Variants in NXPH1 observed in about 807,000 individuals in gnomAD.
NXPH1 encodes neurexophilin-1.
NXPH1 carries 5 observed loss-of-function variants against 23.7 expected under a neutral mutation model. The ratio of observed to expected loss-of-function variants is 0.21; its 90% confidence interval spans 0.11 to 0.44. The LOEUF (loss-of-function observed/expected upper bound fraction) is 0.44, where lower values mean the gene tolerates loss of function less well. Ranked by LOEUF, NXPH1 falls within the 20% of genes least tolerant of loss-of-function variation. NXPH1 has a pLI of 0.99. For missense variants in NXPH1, 324 were observed against 321.6 expected (o/e 1.01, Z -0.06); for synonymous variants, 144 against 122.2 (o/e 1.18, Z -1.18).
intron 2 of NXPH1, among the ~76,000 whole-genome samples, chr7:8,573,228 T>C (rs1236325837): frequency 1.3e-5 from 2 of 152,104 alleles, no homozygotes; most frequent in African/African-American, 4.8e-5. Context: ...TCATACATTA[T>C]ATTGGTGAGT....
chr7:8,664,011 C>T (rs1820721722), intron 2 of NXPH1, among the ~76,000 whole-genome samples: 1 of 152,022 alleles, frequency 6.6e-6, no homozygotes, highest in Non-Finnish European at 1.5e-5. Flanking sequence ...TTCTCTTTGT[C>T]TCCCATCTTC....
intron 2 of NXPH1, among the ~76,000 whole-genome samples, chr7:8,617,553 C>A (rs925844937): frequency 6.6e-6 from 1 of 151,994 alleles, no homozygotes; most frequent in Non-Finnish European, 1.5e-5. Flanking sequence ...ATAAGCCAGG[C>A]ACAGAAAGAC....
At chr7:8,718,809 A>C (rs752562278) in intron 2 of NXPH1, among the ~76,000 whole-genome samples, 2 of 152,196 alleles carry the variant, frequency 1.3e-5, no homozygotes, top group African/African-American at 2.4e-5. Flanking sequence ...TGGCACATTC[A>C]GTCCTTTTAT....
At chr7:8,530,846 T>A (rs1391032651) in intron 2 of NXPH1, among the ~76,000 whole-genome samples, 1 of 152,208 alleles carries the variant, frequency 6.6e-6, no homozygotes, top group Non-Finnish European at 1.5e-5. Flanking sequence ...AAGCTTTGTC[T>A]ATAAATGAAG....
intron 2 of NXPH1, among the ~76,000 whole-genome samples, chr7:8,714,578 C>T (rs542118337): frequency 2.6e-5 from 4 of 152,106 alleles, no homozygotes; most frequent in African/African-American, 4.8e-5. Flanking sequence ...ATCTGTGTCT[C>T]GCCCAATGCC....
intron 2 of NXPH1, among the ~76,000 whole-genome samples, chr7:8,571,014 TGTCTATCTA>T (rs1409067526): frequency 3.0e-5 from 4 of 135,458 alleles, no homozygotes; most frequent in Admixed American, 2.4e-4. Context: ...TCTATCTGTC[TGTCTATCTA>T]ATCTAATCTA....
intron 2 of NXPH1, among the ~76,000 whole-genome samples, chr7:8,711,666 G>T (rs959895537): frequency 6.6e-6 from 1 of 152,154 alleles, no homozygotes; most frequent in African/African-American, 2.4e-5. Flanking sequence ...ATGAGTGTGT[G>T]CATGTAGGGG....
chr7:8,668,267 TTTA>T (rs777192476), intron 2 of NXPH1, among the ~76,000 whole-genome samples: 10,016 of 70,180 alleles, frequency 0.14, 868 homozygotes, highest in East Asian at 0.55. Flanking sequence ...TTTTTTTTTT[TTTA>T]TTTTGTTGTT....
At chr7:8,495,912 T>G (rs1006445578) in intron 2 of NXPH1, among the ~76,000 whole-genome samples, 2 of 152,056 alleles carry the variant, frequency 1.3e-5, no homozygotes, top group African/African-American at 4.8e-5. Flanking sequence ...GTATTGTGTT[T>G]CTGGTGAATC....
intron 2 of NXPH1, among the ~76,000 whole-genome samples, chr7:8,580,347 C>A (rs76512489): frequency 0.011 from 1,747 of 152,202 alleles, 18 homozygotes; most frequent in South Asian, 0.057. Context: ...AAAATAAAGG[C>A]AAGAAGAGAG....
intron 2 of NXPH1, among the ~76,000 whole-genome samples, chr7:8,579,858 T>C (rs763320867): frequency 7.9e-5 from 12 of 152,118 alleles, no homozygotes; most frequent in Admixed American, 2.0e-4. Flanking sequence ...ATTAAATCCA[T>C]TGGGGGGCAT....
chr7:8,549,008 A>C (rs947877177), intron 2 of NXPH1, among the ~76,000 whole-genome samples: 11 of 151,570 alleles, frequency 7.3e-5, no homozygotes, highest in African/African-American at 2.7e-4. Context: ...TTGAAGTAAA[A>C]GCTGTTGTAG....
chr7:8,688,958 T>TC (rs35336589), intron 2 of NXPH1, among the ~76,000 whole-genome samples: 2,351 of 152,278 alleles, frequency 0.015, 32 homozygotes, highest in Middle Eastern at 0.031. Context: ...ACCTTCGTTT[T>TC]CCATGGTCTT....
chr7:8,516,524 C>T (rs753562949), intron 2 of NXPH1, among the ~76,000 whole-genome samples: 3 of 152,090 alleles, frequency 2.0e-5, no homozygotes, highest in Non-Finnish European at 4.4e-5. Flanking sequence ...TCAGATATCA[C>T]CTGGTGCTCA....
intron 2 of NXPH1, among the ~76,000 whole-genome samples, chr7:8,632,825 C>G (rs1002313669): frequency 7.2e-5 from 11 of 152,146 alleles, no homozygotes; most frequent in African/African-American, 1.9e-4. Flanking sequence ...ATATATCTTT[C>G]TAGAATTTTA....
Position 8,442,212 on chromosome 7 carries a change from CCG to C in NXPH1, c.54+6447_54+6448del, listed in dbSNP as rs1298370906. Among the ~76,000 whole-genome samples, 4 of 152,200 alleles carry C rather than the reference CCG, an allele frequency of 2.6e-5. No homozygotes were observed. Among genetic ancestry groups the C allele is most frequent in the Admixed American group, 2.6e-4 (4 of 15,284 alleles). On this transcript the variant is annotated intron_variant, in intron 2 of 2. Transcript: ENST00000405863. This position sits in a 1 kb window ranked among gnomAD's most constrained non-coding sequence, Gnocchi z 4.6. ...TACGATGGGGAGGGGGAGACACAGG[CCG>C]CATCCAGAGCGCATCGCCTCATCTG...
chr7:8,435,500 T>C lies in NXPH1; in HGVS notation c.-110-104T>C. On this transcript the variant is annotated intron_variant, in intron 1 of 2. Transcript: ENST00000405863. This position sits in a 1 kb window ranked among gnomAD's most constrained non-coding sequence, Gnocchi z 5.9. ...ATTTTTCGTACCCTCCCTCCCTTTT[T>C]TTTTTGGTCCCCCACTCCCCGCTAC... 1 of 575,084 alleles carries C rather than the reference T, an allele frequency of 1.7e-6. No homozygotes were observed. The highest frequency in any genetic ancestry group is 1.9e-5 in the African/African-American group (1 of 52,868). The allele number at this position is 575,084 out of a possible 1,614,324, so 35.6% of individuals were successfully genotyped here. A position where few individuals can be genotyped will look rare whatever the true frequency, so the allele number is the denominator to read the frequency against.
chr7:8,737,494 G>A (rs1780281470), intron 2 of NXPH1, among the ~76,000 whole-genome samples: 1 of 152,192 alleles, frequency 6.6e-6, no homozygotes, highest in African/African-American at 2.4e-5. Context: ...TTTCTGCAGA[G>A]AGATCCACTC....
In NXPH1 at chr7:8,433,694, G is replaced by A. The variant is rs1335362755; in HGVS notation, c.-1172G>A. ...CGGCAGCCACAGGTCGGAGGCGCCC[G>A]GCGTCGGCGCTCGAGGCCGGCAGGG... On this transcript the variant is annotated 5_prime_UTR_variant, in exon 1 of 3. Transcript: ENST00000405863. The surrounding 1 kb of genome is among the most constrained non-coding windows in gnomAD (Gnocchi z 6.8). Among the ~76,000 whole-genome samples, 1 of 152,072 alleles carries A rather than the reference G, an allele frequency of 6.6e-6. No individual in the cohort carries two copies. Among genetic ancestry groups the A allele is most frequent in the East Asian group, 1.9e-4 (1 of 5,172 alleles).
Sources: allele counts gnomAD v4.1 joint callset (sites outside exome capture counted in the v4.1 genomes callset), GRCh38; gene constraint gnomAD v4.1.1; non-coding constraint Gnocchi (gnomAD v3.1); transcripts MANE v1.5; gene names NCBI Gene and HGNC (gene_info 2026-07-23, HGNC 2026-07-21).